The following GPC6 variants were observed in gnomAD, a reference collection of about 807,000 sequenced individuals.
The protein encoded by GPC6 is glypican-6.
In GPC6, 14 loss-of-function variants were observed where a neutral mutation model predicts 55.2. The observed-to-expected ratio is 0.25, with a 90% CI of 0.17 to 0.40. The LOEUF is 0.40. Among genes scored for constraint, GPC6 ranks in the 10% least tolerant of loss-of-function variants. GPC6 has a pLI of 1.00. For missense variants in GPC6, 641 were observed against 708.5 expected, an observed-to-expected ratio of 0.90 and a Z score of 1.08; for synonymous variants, 278 against 259.6, an observed-to-expected ratio of 1.07 and a Z score of -0.68.
At chr13:93,752,602 T>C (rs1459756729) in intron 2 of GPC6, among the ~76,000 whole-genome samples, 1 of 152,132 alleles carries the variant, frequency 6.6e-6, no homozygotes, top group South Asian at 2.1e-4. Context: ...TTTGATTACT[T>C]GGCTGTTGAG....
At chr13:93,931,614 C>G (rs1284924129) in intron 3 of GPC6, among the ~76,000 whole-genome samples, 1 of 151,500 alleles carries the variant, frequency 6.6e-6, no homozygotes, top group Non-Finnish European at 1.5e-5. Flanking sequence ...AAATATAAAA[C>G]TTAGCTGGAC....
chr13:93,609,381 TTTTTGTTTTG>T (rs528800210), intron 2 of GPC6, among the ~76,000 whole-genome samples: 6 of 152,054 alleles, frequency 3.9e-5, no homozygotes, highest in Admixed American at 6.6e-5. Flanking sequence ...CACCCAGCTA[TTTTTGTTTTG>T]TTTTGTTTTG....
chr13:94,263,995 T>G (rs1157453177), intron 4 of GPC6, among the ~76,000 whole-genome samples: 1 of 152,186 alleles, frequency 6.6e-6, no homozygotes, highest in African/African-American at 2.4e-5. Flanking sequence ...CTGCTGCTAC[T>G]ATTGTCTCCC....
intron 2 of GPC6, among the ~76,000 whole-genome samples, chr13:93,818,964 C>T (rs1886954051): frequency 6.6e-6 from 1 of 152,128 alleles, no homozygotes; most frequent in African/African-American, 2.4e-5. Context: ...ATCTTGGCTG[C>T]ACACTGGGAT....
intron 4 of GPC6, among the ~76,000 whole-genome samples, chr13:94,108,854 CA>C (rs71126434): frequency 0.39 from 56,342 of 145,186 alleles, 10,799 homozygotes; most frequent in Middle Eastern, 0.46. Flanking sequence ...AAAAAAAAAA[CA>C]AAAAAAAAAA....
At chr13:93,364,901 G>C (rs35080627) in intron 1 of GPC6, among the ~76,000 whole-genome samples, 13,745 of 151,622 alleles carry the variant, frequency 0.091, 702 homozygotes, top group East Asian at 0.13. Context: ...TTCACCTCCG[G>C]TCTGTCTCCA....
rs150153487 is a variant in GPC6 at position 93,242,814 on chromosome 13, C to T, written c.160+15198C>T. Among the ~76,000 whole-genome samples, 14 of 152,178 alleles carry T rather than the reference C, an allele frequency of 9.2e-5. No homozygotes were observed. In the East Asian group the frequency reaches 2.7e-3, roughly 29 times the overall value. On this transcript the variant is annotated intron_variant, in intron 1 of 8. Transcript: ENST00000377047. ...CCCCTTTCCCTAGGTATGACAATCC[C>T]TGGGGAACAGACCACCGTGAATCCT...
intron 3 of GPC6, among the ~76,000 whole-genome samples, chr13:93,976,358 CTG>C (rs1217602180): frequency 6.6e-6 from 1 of 151,848 alleles, no homozygotes; most frequent in Non-Finnish European, 1.5e-5. Flanking sequence ...TCTTTAAACT[CTG>C]TTAATCATTT....
At chr13:93,787,156 C>T (rs926714316) in intron 2 of GPC6, among the ~76,000 whole-genome samples, 3 of 152,172 alleles carry the variant, frequency 2.0e-5, no homozygotes, top group Non-Finnish European at 2.9e-5. Flanking sequence ...TCTATTGCCA[C>T]ATTTTTAAAA....
At chr13:93,940,754 G>C (rs1025418430) in intron 3 of GPC6, among the ~76,000 whole-genome samples, 1 of 152,108 alleles carries the variant, frequency 6.6e-6, no homozygotes, top group Non-Finnish European at 1.5e-5. Flanking sequence ...TAGAATAAAA[G>C]TGTTGTGATT....
chr13:94,040,826 A>T (rs1883505215), intron 4 of GPC6, among the ~76,000 whole-genome samples: 1 of 151,892 alleles, frequency 6.6e-6, no homozygotes. Context: ...ATGCAATATT[A>T]AAAAAATTTA....
At chr13:93,978,448 A>G (rs1880621564) in intron 3 of GPC6, among the ~76,000 whole-genome samples, 3 of 152,214 alleles carry the variant, frequency 2.0e-5, no homozygotes, top group African/African-American at 7.2e-5. Context: ...AGTAGTTCTC[A>G]ATACAGAATT....
intron 4 of GPC6, among the ~76,000 whole-genome samples, chr13:94,091,108 T>C (rs1885465016): frequency 6.6e-6 from 1 of 152,174 alleles, no homozygotes; most frequent in Non-Finnish European, 1.5e-5. Flanking sequence ...TTTTTTGCAA[T>C]GCTATGAAAT....
At chr13:93,507,968 A>G (rs1880802030) in intron 1 of GPC6, among the ~76,000 whole-genome samples, 1 of 152,230 alleles carries the variant, frequency 6.6e-6, no homozygotes, top group Admixed American at 6.5e-5. Context: ...TATTTATTCA[A>G]CAAATATGCA....
At chr13:93,222,042 A>G (rs775486151), upstream of GPC6, among the ~76,000 whole-genome samples, 10 of 152,206 alleles carry the variant, frequency 6.6e-5, no homozygotes, top group Non-Finnish European at 1.2e-4. Context: ...CAAGGCTTTT[A>G]AAAAATTAAC....
At chr13:93,674,431 T>C (rs1881498079) in intron 2 of GPC6, among the ~76,000 whole-genome samples, 1 of 152,182 alleles carries the variant, frequency 6.6e-6, no homozygotes, top group African/African-American at 2.4e-5. Context: ...TCACTTTTTT[T>C]CTGATGAAAT....
At chr13:93,508,473 A>G (rs993918210) in intron 1 of GPC6, among the ~76,000 whole-genome samples, 1 of 152,216 alleles carries the variant, frequency 6.6e-6, no homozygotes, top group Non-Finnish European at 1.5e-5. Flanking sequence ...AAATGAAGGC[A>G]GAGAAGAAGC....
At chr13:94,211,216 T>C (rs1027039072) in intron 4 of GPC6, among the ~76,000 whole-genome samples, 2 of 152,238 alleles carry the variant, frequency 1.3e-5, no homozygotes, top group Non-Finnish European at 2.9e-5. Context: ...GTAATCTTGC[T>C]GCTTCTGTGC....
intron 1 of GPC6, among the ~76,000 whole-genome samples, chr13:93,474,277 G>T (rs1242259508): frequency 6.6e-6 from 1 of 152,138 alleles, no homozygotes; most frequent in Non-Finnish European, 1.5e-5. Flanking sequence ...CTTGAGTCCT[G>T]GGTGGTAGAC....
Sources: allele counts gnomAD v4.1 joint callset (sites outside exome capture counted in the v4.1 genomes callset), GRCh38; gene constraint gnomAD v4.1.1; transcripts MANE v1.5; gene names NCBI Gene and HGNC (gene_info 2026-07-23, HGNC 2026-07-21).